Variants in ADCY10 observed in about 807,000 individuals in gnomAD.
ADCY10 encodes adenylate cyclase type 10.
Under a neutral mutation model 183.3 loss-of-function variants are expected in ADCY10, and 156 were observed. The observed-to-expected ratio is 0.85, with a 90% CI of 0.75 to 0.97. The LOEUF is 0.97. Among genes scored for constraint, ADCY10 ranks in the 50% least tolerant of loss-of-function variants. The pLI, the probability that ADCY10 is intolerant of heterozygous loss-of-function variation, is 0.00. For synonymous variants in ADCY10, 645 were observed against 670.0 expected (o/e 0.96, Z 0.58); for missense variants, 1,745 against 1,934.3 (o/e 0.90, Z 1.84).
At chr1:167,911,525 C>A (rs1557843429) in intron 1 of ADCY10, among the ~76,000 whole-genome samples, 2 of 152,208 alleles carry the variant, frequency 1.3e-5, no homozygotes, top group Non-Finnish European at 2.9e-5. Context: ...TTCTCCTCTA[C>A]CTTTGCCTCT....
chr1:167,911,543 G>C (rs1670150537), intron 1 of ADCY10, among the ~76,000 whole-genome samples: 3 of 152,134 alleles, frequency 2.0e-5, no homozygotes, highest in Non-Finnish European at 4.4e-5. Context: ...TCTTTTAAAA[G>C]TTCTAAGTTG....
chr1:167,902,572 C>T (rs992542201), intron 3 of ADCY10, among the ~76,000 whole-genome samples: 6 of 152,156 alleles, frequency 3.9e-5, no homozygotes, highest in African/African-American at 1.4e-4. Flanking sequence ...CTTTTAGTTA[C>T]GCATCATCAT....
At chr1:167,871,224 G>T (rs1054934200) in intron 13 of ADCY10, among the ~76,000 whole-genome samples, 1 of 152,070 alleles carries the variant, frequency 6.6e-6, no homozygotes, top group African/African-American at 2.4e-5. Flanking sequence ...AAGGAAATTT[G>T]CCCTCTGTAA....
chr1:167,882,841 G>T (rs1356834926), intron 9 of ADCY10, among the ~76,000 whole-genome samples: 1 of 152,114 alleles, frequency 6.6e-6, no homozygotes, highest in Admixed American at 6.5e-5. Context: ...CCTTGTCCTG[G>T]TATCCTAATC....
At chr1:167,812,756 G>A (rs1662300199) in intron 31 of ADCY10, among the ~76,000 whole-genome samples, 1 of 152,156 alleles carries the variant, frequency 6.6e-6, no homozygotes. Flanking sequence ...GGAAAATGTG[G>A]ATAAAGTCAA....
intron 14 of ADCY10, among the ~76,000 whole-genome samples, chr1:167,861,473 C>T (rs1185578110): frequency 6.6e-6 from 1 of 152,222 alleles, no homozygotes; most frequent in South Asian, 2.1e-4. Context: ...CCTTCACCAA[C>T]AGCAAGCAGG....
Position 167,809,767 on chromosome 1 carries a change from C to T in ADCY10, c.4744G>A (p.Glu1582Lys). The change falls in exon 33 of 33, where the codon GAA becomes AAA. Residue 1582 changes from glutamate (E) to lysine (K), a missense_variant. By Grantham distance (56) the Glu-to-Lys change is moderately conservative. Transcript: ENST00000367851. ...LQTILSLPSW[E>K]KIVAGRVNIQ... ...TTTACCCTGCCTGCTACAATTTTTT[C>T]CCATGATGGGAGACTCAAGATCGTC... The T allele has an allele frequency of 6.2e-7, 1 of 1,614,090 alleles. No homozygotes were observed. Among genetic ancestry groups the T allele is most frequent in the Non-Finnish European group, 8.5e-7 (1 of 1,180,000 alleles).
intron 25 of ADCY10, among the ~76,000 whole-genome samples, chr1:167,831,108 C>T (rs1663694572): frequency 6.6e-6 from 1 of 152,174 alleles, no homozygotes; most frequent in African/African-American, 2.4e-5. Context: ...TGTCCTCAAC[C>T]TTGGCAAAAT....
intron 12 of ADCY10, among the ~76,000 whole-genome samples, chr1:167,875,766 C>CCT: frequency 6.6e-6 from 1 of 152,014 alleles, no homozygotes; most frequent in Non-Finnish European, 1.5e-5. Flanking sequence ...CTGGCTAACA[C>CCT]GGTGAAACCC....
chr1:167,859,636 C>G (rs114732303), intron 16 of ADCY10, among the ~76,000 whole-genome samples, 171 bp downstream of exon 16: 3 of 152,046 alleles, frequency 2.0e-5, no homozygotes, highest in South Asian at 2.1e-4. Flanking sequence ...TCTAAACAGA[C>G]CTTTTGCTTG....
At chr1:167,842,421 A>G (rs1294872530) in intron 21 of ADCY10, among the ~76,000 whole-genome samples, 1 of 152,112 alleles carries the variant, frequency 6.6e-6, no homozygotes, top group Admixed American at 6.5e-5. Context: ...TCAGCTTCCC[A>G]AAGTGCTGGG....
intron 1 of ADCY10, among the ~76,000 whole-genome samples, chr1:167,910,690 G>A (rs116635436): frequency 2.6e-3 from 395 of 152,328 alleles, no homozygotes; most frequent in Non-Finnish European, 4.8e-3. Flanking sequence ...TAAACAGTAT[G>A]TTCCGTAGGC....
intron 29 of ADCY10, among the ~76,000 whole-genome samples, 191 bp downstream of exon 29, chr1:167,822,817 C>T (rs770906048): frequency 9.9e-5 from 15 of 152,060 alleles, no homozygotes; most frequent in Non-Finnish European, 1.9e-4. Context: ...TCCTTCTTGC[C>T]GTGCCTTTAC....
rs994646501 is a variant in ADCY10 at position 167,848,451 on chromosome 1, T to C, written c.2347A>G (p.Thr783Ala). The change falls in exon 19 of 33, where the codon ACT becomes GCT. Residue 783 changes from threonine (T) to alanine (A), a missense_variant. Thr to Ala is a moderately conservative substitution (Grantham distance 58). Transcript: ENST00000367851. ...IKLTEKLNMV[T>A]LHSDKESEEV... is the part of the protein sequence containing the mutation. ...TCACTTTCCTTATCACTATGGAGAG[T>C]AACCATGTTTAACTTCTCTGTTAGC... The C allele has an allele frequency of 1.2e-6, 2 of 1,613,458 alleles. No homozygotes were observed. The highest frequency in any genetic ancestry group is 8.5e-7 in the Non-Finnish European group (1 of 1,179,490).
chr1:167,812,886 G>T (rs1662308061), intron 31 of ADCY10, among the ~76,000 whole-genome samples: 1 of 152,026 alleles, frequency 6.6e-6, no homozygotes, highest in Non-Finnish European at 1.5e-5. Flanking sequence ...AATCACTAGA[G>T]GGATTCAAAG....
At chr1:167,851,509 A>T (rs1412209521) in intron 18 of ADCY10, among the ~76,000 whole-genome samples, 1 of 152,150 alleles carries the variant, frequency 6.6e-6, no homozygotes, top group African/African-American at 2.4e-5. Flanking sequence ...TATAACTAGA[A>T]TATAGTTATC....
At position 167,837,243 on chromosome 1, in the gene ADCY10, C is replaced by G. The variant is rs765926077; in HGVS notation, c.3077+6G>C. The G allele has an allele frequency of 1.9e-6, 3 of 1,609,624 alleles. No individual in the cohort carries two copies. Among genetic ancestry groups the G allele is most frequent in the Non-Finnish European group, 2.6e-6 (3 of 1,176,050 alleles). On this transcript the variant is annotated splice_donor_region_variant and intron_variant, in intron 22 of 32. Transcript: ENST00000367851. The stretch of plus-strand genomic sequence containing the variant: ...CTACTTCCTAAACAATGATATATGC[C>G]TCTACCTGCGATTTTCAGGAAAAAA...
chr1:167,866,093 G>C (rs901802221), intron 14 of ADCY10, among the ~76,000 whole-genome samples: 4 of 152,186 alleles, frequency 2.6e-5, no homozygotes, highest in Non-Finnish European at 5.9e-5. Flanking sequence ...CAATCAGTCA[G>C]CCCTTGTTCA....
chr1:167,880,465 T>C, intron 10 of ADCY10, 26 bp downstream of exon 10: 1 of 1,542,698 alleles, frequency 6.5e-7, no homozygotes, highest in Non-Finnish European at 9.0e-7. Context: ...CAGGGACCGC[T>C]GGGTGGGACC....
Sources: allele counts gnomAD v4.1 joint callset (sites outside exome capture counted in the v4.1 genomes callset), GRCh38; gene constraint gnomAD v4.1.1; transcripts MANE v1.5; gene names NCBI Gene and HGNC (gene_info 2026-07-23, HGNC 2026-07-21).